The following KLF12 variants were observed in gnomAD, a reference collection of about 807,000 sequenced individuals.
The protein encoded by KLF12 is Krueppel-like factor 12.
A neutral mutation model predicts 37.8 loss-of-function variants in KLF12; 9 were observed. That is an observed-to-expected ratio of 0.24 (90% confidence interval 0.14 to 0.42). The LOEUF is 0.42. KLF12 is among the 10% of genes least tolerant of loss of function. The pLI, the probability that KLF12 is intolerant of heterozygous loss-of-function variation, is 1.00. For missense variants in KLF12, 411 were observed against 516.0 expected (o/e 0.80, Z 1.97); for synonymous variants, 208 against 202.1 (o/e 1.03, Z -0.25).
intron 7 of KLF12, among the ~76,000 whole-genome samples, chr13:73,709,492 T>G (rs930789828): frequency 1.3e-5 from 2 of 152,172 alleles, no homozygotes; most frequent in Non-Finnish European, 2.9e-5. Flanking sequence ...TGATTCCCTA[T>G]AGAAATAGTT....
chr13:73,805,300 A>G (rs1397232039), intron 5 of KLF12, among the ~76,000 whole-genome samples: 1 of 152,142 alleles, frequency 6.6e-6, no homozygotes, highest in Non-Finnish European at 1.5e-5. Context: ...TTATATTAAA[A>G]TAACAATGGA....
At chr13:73,957,687 T>C (rs1252455087) in intron 2 of KLF12, among the ~76,000 whole-genome samples, 1 of 152,138 alleles carries the variant, frequency 6.6e-6, no homozygotes, top group African/African-American at 2.4e-5. Flanking sequence ...TATTTCACAA[T>C]ATGAACTGAA....
At chr13:74,088,503 C>T (rs1454552076) in intron 1 of KLF12, among the ~76,000 whole-genome samples, 2 of 152,136 alleles carry the variant, frequency 1.3e-5, no homozygotes, top group Non-Finnish European at 2.9e-5. Context: ...GCTGGGATTG[C>T]AGGCATAAGC....
intron 1 of KLF12, among the ~76,000 whole-genome samples, chr13:74,100,011 G>A (rs968178164): frequency 1.3e-5 from 2 of 152,066 alleles, no homozygotes; most frequent in African/African-American, 4.8e-5. Flanking sequence ...CAGGGAAGCA[G>A]GTCCACTGAC....
At chr13:73,868,920 GC>G (rs1886332337) in intron 3 of KLF12, among the ~76,000 whole-genome samples, 1 of 152,082 alleles carries the variant, frequency 6.6e-6, no homozygotes, top group African/African-American at 2.4e-5. Context: ...TTACAAATTG[GC>G]AAAACAAATC....
chr13:73,786,639 T>C (rs1462831312), intron 5 of KLF12, among the ~76,000 whole-genome samples: 2 of 151,874 alleles, frequency 1.3e-5, no homozygotes, highest in Non-Finnish European at 2.9e-5. Context: ...TTCCAACACT[T>C]TGGGAGGCCG....
chr13:74,218,098 A>G, the KLF12 span, among the ~76,000 whole-genome samples: 2 of 152,206 alleles, frequency 1.3e-5, no homozygotes, highest in African/African-American at 4.8e-5. Flanking sequence ...CTTGCTGCAA[A>G]GTTGAGAAGC....
chr13:73,800,506 T>C (rs1364994172), intron 5 of KLF12: 1 of 152,066 alleles, frequency 6.6e-6, no homozygotes, highest in Non-Finnish European at 1.5e-5. Context: ...AATACAGTAA[T>C]CATCACTCTC....
chr13:73,704,017 T>C (rs1874742169), intron 7 of KLF12, among the ~76,000 whole-genome samples: 1 of 152,208 alleles, frequency 6.6e-6, no homozygotes, highest in Non-Finnish European at 1.5e-5. Flanking sequence ...CAATATTTTA[T>C]TTGGCTGTTC....
intron 1 of KLF12, among the ~76,000 whole-genome samples, chr13:74,080,665 A>G (rs1462986801): frequency 6.6e-6 from 1 of 152,214 alleles, no homozygotes; most frequent in Non-Finnish European, 1.5e-5. Flanking sequence ...AAATGGCTCC[A>G]CAATCAACAG....
chr13:74,225,919 G>T, the KLF12 span, among the ~76,000 whole-genome samples: 1 of 152,138 alleles, frequency 6.6e-6, no homozygotes. Context: ...TTTCTACAGT[G>T]ACAAACCATA....
chr13:73,845,781 T>A, intron 4 of KLF12, 46 bp downstream of exon 4: 1 of 1,542,480 alleles, frequency 6.5e-7, no homozygotes, highest in Non-Finnish European at 8.8e-7. Context: ...AAAAATGAAG[T>A]CACCTCTAGT....
intron 4 of KLF12, among the ~76,000 whole-genome samples, chr13:73,843,466 C>T (rs1209305570): frequency 6.6e-6 from 1 of 152,062 alleles, no homozygotes; most frequent in Non-Finnish European, 1.5e-5. Context: ...CGCCACCACC[C>T]CTGGCTAATT....
intron 7 of KLF12, among the ~76,000 whole-genome samples, chr13:73,699,272 C>T (rs376418145): frequency 2.7e-5 from 4 of 149,720 alleles, no homozygotes; most frequent in South Asian, 2.1e-4. Context: ...GCAGCCCCAG[C>T]GATTCGGGAA....
At chr13:74,118,453 T>G (rs1877438715) in intron 1 of KLF12, among the ~76,000 whole-genome samples, 1 of 152,192 alleles carries the variant, frequency 6.6e-6, no homozygotes, top group South Asian at 2.1e-4. Context: ...CACAAAAAAC[T>G]TTTTAAGTGC....
intron 2 of KLF12, among the ~76,000 whole-genome samples, chr13:73,954,048 G>A (rs951067621): frequency 1.8e-4 from 24 of 133,750 alleles, no homozygotes; most frequent in Non-Finnish European, 1.1e-4. Flanking sequence ...ACGTGATCTC[G>A]GCTCACTGCA....
chr13:74,110,815 T>C (rs1382558099), intron 1 of KLF12, among the ~76,000 whole-genome samples: 1 of 152,128 alleles, frequency 6.6e-6, no homozygotes, highest in Non-Finnish European at 1.5e-5. Flanking sequence ...GGGTTTGTAA[T>C]CTGCAAATAG....
the KLF12 span, among the ~76,000 whole-genome samples, chr13:74,192,979 GTT>G: frequency 4.3e-4 from 56 of 129,846 alleles, no homozygotes; most frequent in African/African-American, 1.2e-3. Context: ...AACTTTTTCT[GTT>G]TTTTTTTTTT....
At chr13:73,874,418 A>G (rs1425044196) in intron 3 of KLF12, among the ~76,000 whole-genome samples, 1 of 152,230 alleles carries the variant, frequency 6.6e-6, no homozygotes, top group African/African-American at 2.4e-5. Context: ...TTATAAATCA[A>G]TTAGTGACTC....
Sources: gnomAD v4.1 joint callset for allele counts (sites outside exome capture counted in the v4.1 genomes callset) on GRCh38, gnomAD v4.1.1 for gene constraint, MANE v1.5 for transcripts, NCBI Gene and HGNC (gene_info 2026-07-23, HGNC 2026-07-21) for gene names.